DNM1: variants seen among roughly 807,000 people sequenced by gnomAD.
DNM1 encodes dynamin 1.
DNM1 carries 29 observed loss-of-function variants against 104.6 expected under a neutral mutation model. That is an observed-to-expected ratio of 0.28 (90% CI 0.21 to 0.38). DNM1 has a LOEUF of 0.38. Ranked by LOEUF, DNM1 falls within the 10% of genes least tolerant of loss-of-function variation. The pLI, the probability that DNM1 is intolerant of heterozygous loss-of-function variation, is 1.00. For synonymous variants in DNM1, 445 were observed against 475.8 expected (o/e 0.94, Z 0.84); for missense variants, 640 against 1,189.4 (o/e 0.54, Z 6.79).
intron 1 of DNM1, among the ~76,000 whole-genome samples, chr9:128,210,701 A>G: frequency 6.6e-6 from 1 of 152,104 alleles, no homozygotes; most frequent in East Asian, 1.9e-4. Context: ...GAACCTGCCT[A>G]ATGTCACACA....
chr9:128,219,965 G>T (rs756442481), intron 4 of DNM1, 23 bp from the exon 5 acceptor site: 2 of 1,533,144 alleles, frequency 1.3e-6, no homozygotes, highest in Non-Finnish European at 8.8e-7. Context: ...AGCTGTAGAC[G>T]GCCCTCCTGC....
In DNM1 at chr9:128,222,690, C is replaced by T; in HGVS notation, c.1128+94C>T. On this transcript the variant is annotated intron_variant, in intron 8 of 21. Coordinates refer to ENST00000372923, the MANE Select transcript of DNM1 (RefSeq NM_004408.4). This position sits in a 1 kb window ranked among gnomAD's most constrained non-coding sequence, Gnocchi z 7.8. ...CGTGTGTTTTTGCTGGCCCCCACCC[C>T]ACAGGCCCTGATGCCCAGCCCTAGG... The T allele has an allele frequency of 6.2e-7, 1 of 1,601,530 alleles. No individual in the cohort carries two copies. The highest frequency in any genetic ancestry group is 8.5e-7 in the Non-Finnish European group (1 of 1,171,102).
In DNM1 at chr9:128,218,341, A is replaced by G. The variant is rs766714579; in HGVS notation, c.235+37A>G. 6.2e-7 allele frequency: 1 copy of G among 1,607,208 alleles called. No homozygotes were observed. The highest frequency in any genetic ancestry group is 8.5e-7 in the Non-Finnish European group (1 of 1,174,394). On this transcript the variant is annotated intron_variant, in intron 2 of 21. Transcript: ENST00000372923. The surrounding 1 kb of genome is among the most constrained non-coding windows in gnomAD (Gnocchi z 4.8). Reference sequence around the variant, plus strand: ...CCTTCACCAGCAGCCAGGCCTGCCCACTCCAGCCTCTCCCCCGTCCCCAAG... The same window carrying G: ...CCTTCACCAGCAGCCAGGCCTGCCCGCTCCAGCCTCTCCCCCGTCCCCAAG...
Position 128,254,437 on chromosome 9 carries a change from A to C in DNM1, c.2535-217A>C. 6.9e-7 allele frequency: 1 copy of C among 1,454,584 alleles called. No homozygotes were observed. The highest frequency in any genetic ancestry group is 9.0e-7 in the Non-Finnish European group (1 of 1,111,356). The allele number at this position is 1,454,584 out of a possible 1,614,324, so 90.1% of individuals were successfully genotyped here. A position where few individuals can be genotyped will look rare whatever the true frequency, so the allele number is the denominator to read the frequency against. On this transcript the variant is annotated intron_variant, in intron 21 of 21. Transcript: ENST00000372923. The surrounding 1 kb of genome is among the most constrained non-coding windows in gnomAD (Gnocchi z 6.1). ...AGGGCCGCCACAGCCCCCAGGCGCT[A>C]TCTGTGAAGCTACGGCTCCTCCCTC...
chr9:128,223,357 T>G (rs1835136079), intron 9 of DNM1: 1 of 158,434 alleles, frequency 6.3e-6, no homozygotes, highest in African/African-American at 2.4e-5. Flanking sequence ...GGAAACAGGA[T>G]TGGGAGGTGG....
At chr9:128,236,937 A>C (rs1395964089) in intron 11 of DNM1, among the ~76,000 whole-genome samples, 1 of 152,200 alleles carries the variant, frequency 6.6e-6, no homozygotes, top group Non-Finnish European at 1.5e-5. Context: ...AAACACACAC[A>C]ATCCAGATTC....
chr9:128,238,190 T>A (rs1836129784), intron 11 of DNM1, among the ~76,000 whole-genome samples: 1 of 151,888 alleles, frequency 6.6e-6, no homozygotes, highest in Non-Finnish European at 1.5e-5. Flanking sequence ...TGTGTCATGC[T>A]GATCATTTAA....
intron 16 of DNM1, 111 bp downstream of exon 16, chr9:128,246,614 C>A: frequency 2.7e-6 from 2 of 728,156 alleles, no homozygotes; most frequent in South Asian, 1.5e-5. Context: ...GGCCCCACAG[C>A]AAGCCATCCA....
At position 128,248,251 on chromosome 9, in the gene DNM1, C is replaced by T. The variant is rs1564352676; in HGVS notation, c.1905+316C>T. 1 of 506,290 alleles carries T rather than the reference C, an allele frequency of 2.0e-6. No individual in the cohort carries two copies. Among genetic ancestry groups the T allele is most frequent in the African/African-American group, 1.9e-5 (1 of 51,978 alleles). The allele number at this position is 506,290 out of a possible 1,614,324, so 31.4% of individuals were successfully genotyped here. On this transcript the variant is annotated intron_variant, in intron 18 of 21. Coordinates refer to ENST00000372923, the MANE Select transcript of DNM1 (RefSeq NM_004408.4). This position sits in a 1 kb window ranked among gnomAD's most constrained non-coding sequence, Gnocchi z 5.6. Reference sequence around the variant, plus strand: ...CTGAGGCAGGAGAATCGCTTGAACCCAGGAGGAGGTTGCAATGAGCCAATA... The same window carrying T: ...CTGAGGCAGGAGAATCGCTTGAACCTAGGAGGAGGTTGCAATGAGCCAATA...
rs1019653386 is a variant in DNM1, at chr9:128,220,186, A to G, written c.694A>G (p.Ile232Val). 2 of 1,614,004 alleles carry G rather than the reference A, an allele frequency of 1.2e-6. No homozygotes were observed. The highest frequency in any genetic ancestry group is 1.7e-6 in the Non-Finnish European group (2 of 1,179,996). Residue 232 changes from isoleucine (I) to valine (V), a missense_variant, in exon 6 of 22, where the codon ATT (isoleucine) becomes GTT (valine). By Grantham distance (29) the Ile-to-Val change is conservative. Transcript: ENST00000372923. The surrounding 1 kb of genome is among the most constrained non-coding windows in gnomAD (Gnocchi z 5.2). ...GACCTTGATACTGTTCACAGGCTACATTGGAGTGGTGAACCGGAGCCAGAA... is the reference window on the plus strand; with the variant it reads ...GACCTTGATACTGTTCACAGGCTACGTTGGAGTGGTGAACCGGAGCCAGAA... ...NKLLPLRRGY[I>V]GVVNRSQKDI...
intron 1 of DNM1, among the ~76,000 whole-genome samples, chr9:128,214,544 A>G (rs1834492756): frequency 6.6e-6 from 1 of 152,206 alleles, no homozygotes; most frequent in African/African-American, 2.4e-5. Flanking sequence ...CCCAAGTCTC[A>G]GGTCCTAGAG....
intron 1 of DNM1, among the ~76,000 whole-genome samples, chr9:128,213,229 A>C (rs1244885075): frequency 4.6e-5 from 7 of 151,866 alleles, no homozygotes; most frequent in Admixed American, 2.0e-4. Flanking sequence ...CTACAGGCGC[A>C]CGCCACCACA....
intron 1 of DNM1, among the ~76,000 whole-genome samples, chr9:128,205,773 T>C (rs780283600): frequency 6.6e-6 from 1 of 152,154 alleles, no homozygotes; most frequent in Non-Finnish European, 1.5e-5. Flanking sequence ...GCCCAGCCCC[T>C]GCCTTCCTGG....
chr9:128,252,518 C>T, intron 21 of DNM1: 1 of 393,226 alleles, frequency 2.5e-6, no homozygotes, highest in Non-Finnish European at 5.0e-6. Flanking sequence ...GTAGTGTGGG[C>T]TGCAACGAGG....
rs1564332756 is a variant in DNM1 at position 128,222,457 on chromosome 9, C to A, written c.993-4C>A. ...CCCCTCAGGCCACACCACTCTCCCACCAGGATGGTCCAGCAGTTCGCCGTA... is the reference window on the plus strand; with the variant it reads ...CCCCTCAGGCCACACCACTCTCCCAACAGGATGGTCCAGCAGTTCGCCGTA... On this transcript the variant is annotated splice_polypyrimidine_tract_variant and splice_region_variant and intron_variant, in intron 7 of 21. Coordinates refer to ENST00000372923, the MANE Select transcript of DNM1 (RefSeq NM_004408.4). The surrounding 1 kb of genome is among the most constrained non-coding windows in gnomAD (Gnocchi z 7.8). 1.9e-6 allele frequency: 3 copies of A among 1,614,166 alleles called. No homozygotes were observed. The highest frequency in any genetic ancestry group is 4.5e-5 in the East Asian group (2 of 44,888).
rs142906828 is a variant in DNM1, at chr9:128,212,490, G to A, written c.162-5741G>A. Among the ~76,000 whole-genome samples, 175 of 152,232 alleles carry A rather than the reference G, an allele frequency of 1.1e-3. 1 individual carries two copies. The highest frequency in any genetic ancestry group is 1.9e-3 in the Admixed American group (29 of 15,272). ...ACCCGGCTGGAAGGAAGGAAGGAAG[G>A]AATCAAGGAAGGAAGGAAGGAAAGA... On this transcript the variant is annotated intron_variant, in intron 1 of 21. Coordinates refer to ENST00000372923, the MANE Select transcript of DNM1 (RefSeq NM_004408.4).
chr9:128,246,365 C>T, intron 15 of DNM1, 29 bp from the exon 16 acceptor site: 1 of 1,510,410 alleles, frequency 6.6e-7, no homozygotes, highest in Non-Finnish European at 9.2e-7. Context: ...GTGCCAACCT[C>T]ACCCCATTGC....
intron 14 of DNM1, 49 bp from the exon 15 acceptor site, chr9:128,242,182 TG>T (rs1564347307): frequency 9.5e-7 from 1 of 1,050,580 alleles, no homozygotes; most frequent in Admixed American, 1.8e-5. Flanking sequence ...CCATCCCCCA[TG>T]GGGAGGCTCA....
chr9:128,210,848 C>T (rs1834247316), intron 1 of DNM1, among the ~76,000 whole-genome samples: 2 of 152,152 alleles, frequency 1.3e-5, no homozygotes, highest in Non-Finnish European at 2.9e-5. Context: ...TCAGTGTCTC[C>T]TCCTCTCCTC....
Sources: allele counts gnomAD v4.1 joint callset (sites outside exome capture counted in the v4.1 genomes callset), GRCh38; gene constraint gnomAD v4.1.1; non-coding constraint Gnocchi (gnomAD v3.1); transcripts MANE v1.5; gene names NCBI Gene and HGNC (gene_info 2026-07-23, HGNC 2026-07-21).